Variants in CFAP299 observed in about 807,000 individuals in gnomAD.
CFAP299 encodes the protein cilia- and flagella-associated protein 299.
CFAP299 carries 21 observed loss-of-function variants against 27.0 expected under a neutral mutation model. The observed-to-expected ratio is 0.78, with a 90% CI of 0.55 to 1.12. CFAP299 has a LOEUF of 1.12. CFAP299 is among the 50% of genes most tolerant of loss of function. The pLI is 0.00. For missense variants in CFAP299, 310 were observed against 276.6 expected, an observed-to-expected ratio of 1.12 and a Z score of -0.86; for synonymous variants, 104 against 98.1, an observed-to-expected ratio of 1.06 and a Z score of -0.36.
At chr4:80,769,865 T>C (rs968291493) in intron 3 of CFAP299, among the ~76,000 whole-genome samples, 3 of 152,220 alleles carry the variant, frequency 2.0e-5, no homozygotes, top group African/African-American at 2.4e-5. Flanking sequence ...CATAATTCAT[T>C]TTCTTGTAGC....
intron 4 of CFAP299, chr4:80,870,345 A>G (rs1733009271): frequency 8.2e-7 from 1 of 1,224,880 alleles, no homozygotes; most frequent in East Asian, 3.4e-5. Context: ...TTCTTCAGAG[A>G]CAAGATAAGT....
chr4:80,694,770 G>C (rs1343433753), intron 3 of CFAP299, among the ~76,000 whole-genome samples: 1 of 152,192 alleles, frequency 6.6e-6, no homozygotes, highest in East Asian at 1.9e-4. Flanking sequence ...TTTACAGAAT[G>C]AATTAAGGTG....
rs1352651407 is a variant in CFAP299, at chr4:80,558,350, G to GTTTTTTTTTT, written c.243-24740_243-24739insTTTTTTTTTT. On this transcript the variant is annotated intron_variant, in intron 2 of 5. Coordinates refer to ENST00000358105, the MANE Select transcript of CFAP299 (RefSeq NM_152770.3). The stretch of plus-strand genomic sequence containing the variant: ...GAAGACTTTTGTGGTTTTTTTGTTT[G>GTTTTTTTTTT]TTTGTTTGTTTGTTTGTTTTTTTTT... Among the ~76,000 whole-genome samples the GTTTTTTTTTT allele has an allele frequency of 2.6e-4, 35 of 132,230 alleles. 1 individual carries two copies. Among genetic ancestry groups the GTTTTTTTTTT allele is most frequent in the African/African-American group, 9.7e-4 (32 of 33,030 alleles). 86.7% of individuals were successfully genotyped at this position (132,230 alleles called of 152,430 possible). A position where few individuals can be genotyped will look rare whatever the true frequency, so the allele number is the denominator to read the frequency against.
intron 3 of CFAP299, among the ~76,000 whole-genome samples, chr4:80,784,184 C>CAA: frequency 6.6e-6 from 1 of 152,240 alleles, no homozygotes; most frequent in Non-Finnish European, 1.5e-5. Flanking sequence ...AGTATTCTTA[C>CAA]AAAGTGGTGT....
intron 2 of CFAP299, among the ~76,000 whole-genome samples, chr4:80,364,623 G>T (rs558242466): frequency 5.3e-5 from 8 of 152,298 alleles, no homozygotes; most frequent in African/African-American, 1.7e-4. Flanking sequence ...AAGTTCAGGG[G>T]TATGTGTGCA....
intron 2 of CFAP299, among the ~76,000 whole-genome samples, chr4:80,501,830 CTCTTT>C (rs1478455468): frequency 6.7e-6 from 1 of 149,722 alleles, no homozygotes; most frequent in Non-Finnish European, 1.5e-5. Flanking sequence ...TTTGAAAAGT[CTCTTT>C]TCTTTTATTC....
At chr4:80,573,840 C>T (rs1276288151) in intron 2 of CFAP299, among the ~76,000 whole-genome samples, 1 of 152,058 alleles carries the variant, frequency 6.6e-6, no homozygotes, top group Non-Finnish European at 1.5e-5. Flanking sequence ...ATGCCAGTAC[C>T]ATGCTGTTTC....
At chr4:80,901,309 A>C (rs1189797248) in intron 4 of CFAP299, among the ~76,000 whole-genome samples, 4 of 152,162 alleles carry the variant, frequency 2.6e-5, no homozygotes, top group African/African-American at 9.7e-5. Context: ...TTCAAAATCC[A>C]TTACTGTATC....
At chr4:80,957,372 C>T (rs558764552) in intron 5 of CFAP299, among the ~76,000 whole-genome samples, 181 of 152,160 alleles carry the variant, frequency 1.2e-3, no homozygotes, top group African/African-American at 4.3e-3. Context: ...GTATGTGTAA[C>T]GGTTTTTAGC....
intron 4 of CFAP299, among the ~76,000 whole-genome samples, chr4:80,906,408 A>G (rs1410872765): frequency 6.6e-6 from 1 of 152,156 alleles, no homozygotes; most frequent in Non-Finnish European, 1.5e-5. Flanking sequence ...CTGCCAGTGA[A>G]TCTACGATTC....
chr4:80,608,943 T>A (rs1737826033), intron 3 of CFAP299, among the ~76,000 whole-genome samples: 1 of 151,722 alleles, frequency 6.6e-6, no homozygotes, highest in African/African-American at 2.4e-5. Flanking sequence ...AAGAAAATGT[T>A]AGATGAAAAC....
intron 3 of CFAP299, among the ~76,000 whole-genome samples, chr4:80,807,030 C>T (rs2110113962): frequency 6.6e-6 from 1 of 152,260 alleles, no homozygotes; most frequent in African/African-American, 2.4e-5. Context: ...TCAAGAATGT[C>T]AGCTGAAGCA....
chr4:80,501,636 T>A (rs1014090254), intron 2 of CFAP299, among the ~76,000 whole-genome samples: 8 of 151,046 alleles, frequency 5.3e-5, no homozygotes, highest in South Asian at 2.1e-4. Flanking sequence ...TATTTTTTCA[T>A]GTAATTTTGG....
At chr4:80,699,674 C>G (rs941101471) in intron 3 of CFAP299, among the ~76,000 whole-genome samples, 7 of 152,164 alleles carry the variant, frequency 4.6e-5, no homozygotes, top group Admixed American at 4.6e-4. Context: ...TAGATCAAGT[C>G]ATTTGTGAGC....
At chr4:80,674,759 T>C (rs1719317690) in intron 3 of CFAP299, among the ~76,000 whole-genome samples, 2 of 152,166 alleles carry the variant, frequency 1.3e-5, no homozygotes, top group Admixed American at 6.5e-5. Flanking sequence ...CCTCTTGCTT[T>C]ATTTTATTAA....
intron 3 of CFAP299, among the ~76,000 whole-genome samples, chr4:80,841,989 G>A (rs1055289495): frequency 6.6e-6 from 1 of 152,114 alleles, no homozygotes; most frequent in African/African-American, 2.4e-5. Flanking sequence ...CAGTGTGTGA[G>A]CAAGGAAAAG....
intron 4 of CFAP299, among the ~76,000 whole-genome samples, chr4:80,925,960 T>C (rs1736283918): frequency 6.6e-6 from 1 of 152,058 alleles, no homozygotes; most frequent in African/African-American, 2.4e-5. Flanking sequence ...AACAGAACTT[T>C]AGTTTCTACA....
chr4:80,701,041 G>A (rs1020341329), intron 3 of CFAP299, among the ~76,000 whole-genome samples: 14 of 152,012 alleles, frequency 9.2e-5, no homozygotes, highest in Non-Finnish European at 1.6e-4. Context: ...GCTGGAGCGG[G>A]TGGCCTTGAA....
chr4:80,680,117 T>C lies in CFAP299; in HGVS notation c.333+96934T>C, dbSNP rs1719744480. On this transcript the variant is annotated intron_variant, in intron 3 of 5. Coordinates refer to ENST00000358105, the MANE Select transcript of CFAP299 (RefSeq NM_152770.3). ...TAGGGAGGAATAGGTCTACTGCCTC[T>C]TCTCTGGAACCAGAAGTCAACTCTC... Among the ~76,000 whole-genome samples the C allele has an allele frequency of 3.3e-5, 5 of 152,222 alleles. No individual in the cohort carries two copies. The South Asian group carries it at 1.0e-3, about 32-fold the overall frequency.
Sources: allele counts gnomAD v4.1 joint callset (sites outside exome capture counted in the v4.1 genomes callset), GRCh38; gene constraint gnomAD v4.1.1; transcripts MANE v1.5; gene names NCBI Gene and HGNC (gene_info 2026-07-23, HGNC 2026-07-21).